The following AGAP1 variants were observed in gnomAD, a reference collection of about 807,000 sequenced individuals.
The protein encoded by AGAP1 is arf-GAP with GTPase, ANK repeat and PH domain-containing protein 1.
Under a neutral mutation model 105.3 loss-of-function variants are expected in AGAP1, and 29 were observed. The ratio of observed to expected loss-of-function variants is 0.28; its 90% confidence interval spans 0.21 to 0.38. AGAP1 has a LOEUF of 0.38. AGAP1 is among the 10% of genes least tolerant of loss of function. The pLI, the probability that AGAP1 is intolerant of heterozygous loss-of-function variation, is 1.00. For missense variants in AGAP1, 998 were observed against 1,165.1 expected, an observed-to-expected ratio of 0.86 and a Z score of 2.09; for synonymous variants, 509 against 485.9, an observed-to-expected ratio of 1.05 and a Z score of -0.63.
chr2:235,618,603 C>A (rs1453265207), intron 1 of AGAP1, among the ~76,000 whole-genome samples: 1 of 152,006 alleles, frequency 6.6e-6, no homozygotes. Context: ...TTATTAAGGT[C>A]CATTTTTAAG....
Position 235,716,443 on chromosome 2 carries a change from G to A in AGAP1, c.223-1114G>A, listed in dbSNP as rs976157301. On this transcript the variant is annotated intron_variant, in intron 2 of 17. Transcript: ENST00000304032. The surrounding 1 kb of genome is among the most constrained non-coding windows in gnomAD (Gnocchi z 4.0). ...GTTTCCTGGTAGCAACAGGGCCAGA[G>A]CTTCAGATAATTTGAGTGGAGGCAG... 6.6e-6 allele frequency among the ~76,000 whole-genome samples: 1 copy of A among 152,152 alleles called. No individual in the cohort carries two copies. Among genetic ancestry groups the A allele is most frequent in the Non-Finnish European group, 1.5e-5 (1 of 68,026 alleles).
rs2053967 is a variant in AGAP1 at position 236,058,338 on chromosome 2, G to A, written c.2114+9057G>A. ...GCATATCCAGTATATCCCAGCAGAT[G>A]TTACAGCCAGAGAGCATCTACAAGA... On this transcript the variant is annotated intron_variant, in intron 16 of 17. Coordinates refer to ENST00000304032, the MANE Select transcript of AGAP1 (RefSeq NM_001037131.3). This position sits in a 1 kb window ranked among gnomAD's most constrained non-coding sequence, Gnocchi z 4.6. 0.012 allele frequency among the ~76,000 whole-genome samples: 1,863 copies of A among 152,232 alleles called. 40 individuals carry two copies. Among genetic ancestry groups the A allele is most frequent in the African/African-American group, 0.042 (1,725 of 41,512 alleles).
Position 235,760,405 on chromosome 2 carries a change from A to G in AGAP1, c.673+9917A>G, listed in dbSNP as rs1030875256. ...AAAAACAAAACCAAAAACAAAATAAATACAAATGTGTAAGATAGAATTCGT... is the reference window on the plus strand; with the variant it reads ...AAAAACAAAACCAAAAACAAAATAAGTACAAATGTGTAAGATAGAATTCGT... On this transcript the variant is annotated intron_variant, in intron 6 of 17. Coordinates refer to ENST00000304032, the MANE Select transcript of AGAP1 (RefSeq NM_001037131.3). 3.3e-5 allele frequency among the ~76,000 whole-genome samples: 5 copies of G among 152,334 alleles called. No individual in the cohort carries two copies. The South Asian group carries it at 1.0e-3, about 32-fold the overall frequency.
intron 16 of AGAP1, among the ~76,000 whole-genome samples, chr2:236,097,072 A>G (rs566285818): frequency 6.6e-6 from 1 of 152,178 alleles, no homozygotes. Context: ...ATTCAAGTGA[A>G]ACCTATTTCC....
rs1056394402 is a variant in AGAP1 at position 235,750,135 on chromosome 2, T to G, written c.539-219T>G. Among the ~76,000 whole-genome samples the G allele has an allele frequency of 2.0e-5, 3 of 152,234 alleles. No individual in the cohort carries two copies. Among genetic ancestry groups the G allele is most frequent in the African/African-American group, 4.8e-5 (2 of 41,462 alleles). On this transcript the variant is annotated intron_variant, in intron 5 of 17. Coordinates refer to ENST00000304032, the MANE Select transcript of AGAP1 (RefSeq NM_001037131.3). This position sits in a 1 kb window ranked among gnomAD's most constrained non-coding sequence, Gnocchi z 5.3. Reference sequence around the variant, plus strand: ...TTCTGAACATTTTAAAATTGCAGTTTCAGAAGCGCTCCTGTAAAACAAATA... The same window carrying G: ...TTCTGAACATTTTAAAATTGCAGTTGCAGAAGCGCTCCTGTAAAACAAATA...
intron 12 of AGAP1, among the ~76,000 whole-genome samples, chr2:235,948,045 G>A (rs1277256631): frequency 2.6e-5 from 4 of 151,428 alleles, no homozygotes; most frequent in Admixed American, 1.3e-4. Flanking sequence ...GCAGGTGTCC[G>A]CATGAAGGCC....
At chr2:236,041,840 A>G (rs1273220619) in intron 15 of AGAP1, among the ~76,000 whole-genome samples, 2 of 152,196 alleles carry the variant, frequency 1.3e-5, no homozygotes, top group Admixed American at 6.5e-5. Flanking sequence ...CATCGGGGGC[A>G]TGCGGCGGTC....
chr2:235,705,162 A>G lies in AGAP1; in HGVS notation c.164-4017A>G, dbSNP rs1180013368. Among the ~76,000 whole-genome samples the G allele has an allele frequency of 6.6e-6, 1 of 151,828 alleles. No homozygotes were observed. Among genetic ancestry groups the G allele is most frequent in the Non-Finnish European group, 1.5e-5 (1 of 67,924 alleles). ...CCTGGCTAATTTTTGTATTTTTAGT[A>G]GAGACGAGGTTTCGCCATGTTGGCC... On this transcript the variant is annotated intron_variant, in intron 1 of 17. Coordinates refer to ENST00000304032, the MANE Select transcript of AGAP1 (RefSeq NM_001037131.3). The surrounding 1 kb of genome is among the most constrained non-coding windows in gnomAD (Gnocchi z 4.9).
Position 235,622,134 on chromosome 2 carries a change from T to A in AGAP1, c.164-87045T>A, listed in dbSNP as rs1225779373. On this transcript the variant is annotated intron_variant, in intron 1 of 17. Transcript: ENST00000304032. The surrounding 1 kb of genome is among the most constrained non-coding windows in gnomAD (Gnocchi z 5.0). ...GCAGACATCCAAAATAAACTTTTTT[T>A]TTTCTGTACAAAATTAGATTTAGCT... Among the ~76,000 whole-genome samples, 1 of 152,230 alleles carries A rather than the reference T, an allele frequency of 6.6e-6. No homozygotes were observed. Among genetic ancestry groups the A allele is most frequent in the Non-Finnish European group, 1.5e-5 (1 of 68,034 alleles).
intron 11 of AGAP1, among the ~76,000 whole-genome samples, chr2:235,918,149 A>G (rs1229325267): frequency 2.0e-5 from 3 of 152,216 alleles, no homozygotes. Context: ...CTTCCCACTC[A>G]TGTCGACCAA....
chr2:235,663,984 A>G lies in AGAP1; in HGVS notation c.164-45195A>G, dbSNP rs1056310031. Reference sequence around the variant, plus strand: ...GCTGCTTTGAGGCTGTCTGATAGACAGCTGCAGTGTTGTGTGTTACCCTTG... The same window carrying G: ...GCTGCTTTGAGGCTGTCTGATAGACGGCTGCAGTGTTGTGTGTTACCCTTG... On this transcript the variant is annotated intron_variant, in intron 1 of 17. Transcript: ENST00000304032. This position sits in a 1 kb window ranked among gnomAD's most constrained non-coding sequence, Gnocchi z 5.4. 1.3e-5 allele frequency among the ~76,000 whole-genome samples: 2 copies of G among 152,168 alleles called. No individual in the cohort carries two copies. Among genetic ancestry groups the G allele is most frequent in the East Asian group, 1.9e-4 (1 of 5,172 alleles).
chr2:235,876,795 T>C (rs1388322613), intron 9 of AGAP1, among the ~76,000 whole-genome samples: 1 of 152,048 alleles, frequency 6.6e-6, no homozygotes, highest in Non-Finnish European at 1.5e-5. Context: ...GCATCCCTGA[T>C]CGTTGCTGCC....
intron 6 of AGAP1, among the ~76,000 whole-genome samples, chr2:235,772,903 C>G (rs1955570924): frequency 6.6e-6 from 1 of 152,194 alleles, no homozygotes; most frequent in Admixed American, 6.5e-5. Flanking sequence ...GTCGGGATGG[C>G]TCTGTTTGAT....
chr2:235,799,459 T>C lies in AGAP1; in HGVS notation c.894T>C (p.Pro298=). 1 of 1,614,174 alleles carries C rather than the reference T, an allele frequency of 6.2e-7. No homozygotes were observed. Among genetic ancestry groups the C allele is most frequent in the Middle Eastern group, 1.6e-4 (1 of 6,062 alleles). ...AGAAGGAACTTCGGATCGATGTTCC[T>C]CCCACTGCCAACACGCCCACGCCCG... ...TSQKELRIDV[P]PTANTPTPVR... The change falls in exon 8 of 18, where the codon CCT becomes CCC. Residue 298 remains proline (P), a synonymous_variant. Coordinates refer to ENST00000304032, the MANE Select transcript of AGAP1 (RefSeq NM_001037131.3). The surrounding 1 kb of genome is among the most constrained non-coding windows in gnomAD (Gnocchi z 5.0).
rs1486581578 is a variant in AGAP1 at position 235,957,924 on chromosome 2, G to GCAAAAA, written c.1484-10537_1484-10532dup. Among the ~76,000 whole-genome samples, 1 of 152,000 alleles carries GCAAAAA rather than the reference G, an allele frequency of 6.6e-6. No homozygotes were observed. Among genetic ancestry groups the GCAAAAA allele is most frequent in the East Asian group, 1.9e-4 (1 of 5,190 alleles). On this transcript the variant is annotated intron_variant, in intron 12 of 17. Transcript: ENST00000304032. The surrounding 1 kb of genome is among the most constrained non-coding windows in gnomAD (Gnocchi z 4.6). Reference sequence around the variant, plus strand: ...TAATTTTAAATTATTTTAATACCAAGCAAAAAAGGATTTTTAGTCATGTAC... The same window carrying GCAAAAA: ...TAATTTTAAATTATTTTAATACCAAGCAAAAACAAAAAAGGATTTTTAGTCATGTAC...
Position 235,888,535 on chromosome 2 carries a change from C to G in AGAP1, c.1155+5086C>G, listed in dbSNP as rs1293743750. ...CCTGGGCAACATGGAGAGACCCCAT[C>G]TCTACAACAAATAAAAAAGTGAGCC... On this transcript the variant is annotated intron_variant, in intron 10 of 17. Transcript: ENST00000304032. The surrounding 1 kb of genome is among the most constrained non-coding windows in gnomAD (Gnocchi z 4.8). Among the ~76,000 whole-genome samples, 1 of 152,074 alleles carries G rather than the reference C, an allele frequency of 6.6e-6. No individual in the cohort carries two copies. The highest frequency in any genetic ancestry group is 1.5e-5 in the Non-Finnish European group (1 of 68,008).
intron 16 of AGAP1, among the ~76,000 whole-genome samples, chr2:236,079,692 G>GA (rs1359791821): frequency 2.0e-5 from 3 of 152,068 alleles, no homozygotes; most frequent in Non-Finnish European, 4.4e-5. Flanking sequence ...AAGCCTCAGA[G>GA]AAAAAAACCT....
intron 1 of AGAP1, among the ~76,000 whole-genome samples, chr2:235,651,334 A>G (rs1947585871): frequency 6.6e-6 from 1 of 152,080 alleles, no homozygotes; most frequent in Non-Finnish European, 1.5e-5. Context: ...ACGATCTGCC[A>G]GATATCTCCA....
chr2:235,608,107 C>T lies in AGAP1; in HGVS notation c.164-101072C>T, dbSNP rs542353444. 2.0e-5 allele frequency among the ~76,000 whole-genome samples: 3 copies of T among 152,264 alleles called. No individual in the cohort carries two copies. The highest frequency in any genetic ancestry group is 4.2e-4 in the South Asian group (2 of 4,818). ...GGCATCGTCTGCACGTTGACCGGGTCGTTTTTAGCTTTGCCCACTTTTCAT... is the reference window on the plus strand; with the variant it reads ...GGCATCGTCTGCACGTTGACCGGGTTGTTTTTAGCTTTGCCCACTTTTCAT... On this transcript the variant is annotated intron_variant, in intron 1 of 17. Coordinates refer to ENST00000304032, the MANE Select transcript of AGAP1 (RefSeq NM_001037131.3). The surrounding 1 kb of genome is among the most constrained non-coding windows in gnomAD (Gnocchi z 5.4).
Sources: allele counts gnomAD v4.1 joint callset (sites outside exome capture counted in the v4.1 genomes callset), GRCh38; gene constraint gnomAD v4.1.1; non-coding constraint Gnocchi (gnomAD v3.1); transcripts MANE v1.5; gene names NCBI Gene and HGNC (gene_info 2026-07-23, HGNC 2026-07-21).